Variants in INPP5B observed in about 807,000 individuals in gnomAD.
INPP5B encodes type II inositol 1,4,5-trisphosphate 5-phosphatase.
A neutral mutation model predicts 118.5 loss-of-function variants in INPP5B; 90 were observed. The observed-to-expected ratio is 0.76, with a 90% confidence interval of 0.64 to 0.90. The LOEUF is 0.90. INPP5B is among the 40% of genes least tolerant of loss of function. The pLI is 0.00. For missense variants in INPP5B, 984 were observed against 1,125.6 expected (o/e 0.87, Z 1.80); for synonymous variants, 385 against 418.9 (o/e 0.92, Z 0.99).
At chr1:37,931,436 C>T in intron 7 of INPP5B, 1 of 1,524,112 alleles carries the variant, frequency 6.6e-7, no homozygotes, top group Non-Finnish European at 8.8e-7. Flanking sequence ...TTTACTAAAA[C>T]CCCAGCCTCC....
Position 37,875,695 on chromosome 1 carries a change from G to C in INPP5B, c.1699C>G (p.Leu567Val). ...ATTTCCTCCAGTGTCTTCCGGTAAA[G>C]CTCGTCATTTACGACCCTCACCTGA... ...DIGVRVVNDE[L>V]YRKTLEEIVR... Residue 567 changes from leucine (L) to valine (V), a missense_variant, in exon 17 of 24, where the codon CTT becomes GTT. Leu to Val is a conservative substitution (Grantham distance 32, BLOSUM62 1). Around this residue, in one of 2 missense-constraint regions of INPP5B, gnomAD observed 634 missense variants for 791.0 expected, o/e 0.80. Coordinates refer to ENST00000373024, the MANE Select transcript of INPP5B (RefSeq NM_005540.3). 1 of 1,613,924 alleles carries C rather than the reference G, an allele frequency of 6.2e-7. No homozygotes were observed. The highest frequency in any genetic ancestry group is 8.5e-7 in the Non-Finnish European group (1 of 1,179,804).
chr1:37,887,237 T>C (rs1029295537), intron 11 of INPP5B, 114 bp downstream of exon 11: 19 of 801,388 alleles, frequency 2.4e-5, no homozygotes, highest in Middle Eastern at 2.4e-4. Flanking sequence ...GAAATGAAAA[T>C]TGCGGGATAA....
At chr1:37,896,152 C>T (rs1475000414) in intron 7 of INPP5B, among the ~76,000 whole-genome samples, 2 of 150,174 alleles carry the variant, frequency 1.3e-5, no homozygotes, top group African/African-American at 2.5e-5. Context: ...GTGGGGAGCA[C>T]CTCTGCCCTG....
intron 7 of INPP5B, among the ~76,000 whole-genome samples, chr1:37,902,990 A>G (rs113399157): frequency 0.072 from 10,940 of 152,028 alleles, 534 homozygotes; most frequent in Non-Finnish European, 0.1. Flanking sequence ...CTCAAAAAAA[A>G]AAAAGAAAAG....
chr1:37,912,576 A>T (rs1345587213), intron 7 of INPP5B, among the ~76,000 whole-genome samples: 3 of 151,894 alleles, frequency 2.0e-5, no homozygotes, highest in Admixed American at 6.6e-5. Flanking sequence ...ACCATTCTCA[A>T]CTACTTGTAA....
intron 10 of INPP5B, 68 bp downstream of exon 10, chr1:37,888,175 A>C (rs940638086): frequency 2.5e-5 from 24 of 952,538 alleles, no homozygotes; most frequent in Non-Finnish European, 3.0e-6. Flanking sequence ...CCTGTTGTGA[A>C]GACCCATCCT....
intron 7 of INPP5B, among the ~76,000 whole-genome samples, chr1:37,912,837 A>G (rs1039772101): frequency 6.6e-6 from 1 of 151,828 alleles, no homozygotes; most frequent in African/African-American, 2.4e-5. Flanking sequence ...CCACCACACT[A>G]TCAATCTCAC....
intron 7 of INPP5B, among the ~76,000 whole-genome samples, chr1:37,924,459 G>T (rs1327202886): frequency 6.6e-6 from 1 of 151,658 alleles, no homozygotes; most frequent in Non-Finnish European, 1.5e-5. Flanking sequence ...ATGAGCCACC[G>T]CTGCTGGCCA....
At chr1:37,935,940 C>G (rs1204542575) in intron 6 of INPP5B, among the ~76,000 whole-genome samples, 1 of 152,042 alleles carries the variant, frequency 6.6e-6, no homozygotes, top group Non-Finnish European at 1.5e-5. Flanking sequence ...GTGGTGGGCA[C>G]CTGTAGTCCC....
At chr1:37,918,923 C>G (rs1030594273) in intron 7 of INPP5B, among the ~76,000 whole-genome samples, 2 of 152,116 alleles carry the variant, frequency 1.3e-5, no homozygotes, top group Non-Finnish European at 2.9e-5. Context: ...TTAGGTAATA[C>G]GTTCAATGCT....
At chr1:37,889,034 C>T (rs1643694182) in intron 9 of INPP5B, among the ~76,000 whole-genome samples, 1 of 152,188 alleles carries the variant, frequency 6.6e-6, no homozygotes, top group Admixed American at 6.5e-5. Context: ...GGGAGGATTG[C>T]CCAAGCCCAG....
At chr1:37,878,425 A>G (rs533639033) in intron 15 of INPP5B, 102 bp from the exon 16 acceptor site, 1 of 1,523,570 alleles carries the variant, frequency 6.6e-7, no homozygotes, top group South Asian at 1.2e-5. Context: ...CAGGGCCTTC[A>G]TGTCCATGTG....
intron 7 of INPP5B, among the ~76,000 whole-genome samples, chr1:37,916,380 C>T (rs545496217): frequency 6.6e-6 from 1 of 151,600 alleles, no homozygotes; most frequent in South Asian, 2.1e-4. Context: ...AGGCATGAGC[C>T]ACTGCAGTCT....
chr1:37,903,562 T>TA (rs1313821852), intron 7 of INPP5B, among the ~76,000 whole-genome samples: 2 of 152,066 alleles, frequency 1.3e-5, no homozygotes, highest in African/African-American at 2.4e-5. Flanking sequence ...CCGTCTCTAC[T>TA]AAAAAATACA....
At chr1:37,937,572 G>A (rs1557725559) in intron 6 of INPP5B, among the ~76,000 whole-genome samples, 1 of 151,806 alleles carries the variant, frequency 6.6e-6, no homozygotes, top group Non-Finnish European at 1.5e-5. Flanking sequence ...TTCGAGACCA[G>A]CCTGGCCAAC....
At chr1:37,883,230 A>G (rs1278821874) in intron 13 of INPP5B, 5 of 985,176 alleles carry the variant, frequency 5.1e-6, no homozygotes, top group African/African-American at 1.7e-5. Flanking sequence ...GGGAAGAGGG[A>G]AAAAAAATCA....
chr1:37,865,784 C>A lies in INPP5B; in HGVS notation c.2491G>T (p.Gly831Cys). The change falls in exon 22 of 24, where the codon GGC (glycine) becomes TGC (cysteine). Residue 831 changes from glycine to cysteine, a missense_variant. By Grantham distance (159) the Gly-to-Cys change is radical. Around this residue, in one of 2 missense-constraint regions of INPP5B, gnomAD observed 634 missense variants for 791.0 expected, o/e 0.80. Coordinates refer to ENST00000373024, the MANE Select transcript of INPP5B (RefSeq NM_005540.3). The stretch of plus-strand genomic sequence containing the variant: ...ACCTGTTTGCTTGCTGTGTAGTTGC[C>A]AGAACACTCCAAGCAGTTATGGTAG... ...STYHNCLECS[G>C]NYTASKQVIS... 6.2e-7 allele frequency: 1 copy of A among 1,613,526 alleles called. No homozygotes were observed. The highest frequency in any genetic ancestry group is 1.1e-5 in the South Asian group (1 of 91,036).
chr1:37,885,661 G>A lies in INPP5B; in HGVS notation c.1296C>T (p.Pro432=). 1 of 1,613,890 alleles carries A rather than the reference G, an allele frequency of 6.2e-7. No homozygotes were observed. Among genetic ancestry groups the A allele is most frequent in the South Asian group, 1.1e-5 (1 of 91,066 alleles). ...ACTCATGGTTGCTGATGGTGAGAGGGGGAAGGCTTGGGTCAGGCTGACAAA... is the reference window on the plus strand; with the variant it reads ...ACTCATGGTTGCTGATGGTGAGAGGAGGAAGGCTTGGGTCAGGCTGACAAA... ...MQFCQPDPSL[P]PLTISNHDVI... The change falls in exon 13 of 24, where the codon CCC becomes CCT. Residue 432 remains proline, a synonymous_variant. Transcript: ENST00000373024.
Position 37,878,181 on chromosome 1 carries a change from C to T in INPP5B, c.1677+7G>A. 6.2e-7 allele frequency: 1 copy of T among 1,613,822 alleles called. No homozygotes were observed. Among genetic ancestry groups the T allele is most frequent in the Non-Finnish European group, 8.5e-7 (1 of 1,179,834 alleles). The stretch of plus-strand genomic sequence containing the variant: ...AATGATTACAACAGGTACCAGCTGC[C>T]ACCTACCCCGATGTCAAACACTGAG... On this transcript the variant is annotated splice_region_variant and intron_variant, in intron 16 of 23. Coordinates refer to ENST00000373024, the MANE Select transcript of INPP5B (RefSeq NM_005540.3).
Sources: allele counts gnomAD v4.1 joint callset (sites outside exome capture counted in the v4.1 genomes callset), GRCh38; gene constraint gnomAD v4.1.1; regional missense constraint gnomAD v4.1.1; transcripts MANE v1.5; gene names NCBI Gene and HGNC (gene_info 2026-07-23, HGNC 2026-07-21).